SAV1: variants seen among roughly 807,000 people sequenced by gnomAD.
SAV1 encodes the protein protein salvador homolog 1.
A neutral mutation model predicts 47.3 loss-of-function variants in SAV1; 23 were observed. The ratio of observed to expected loss-of-function variants is 0.49; its 90% confidence interval spans 0.35 to 0.69. The LOEUF (loss-of-function observed/expected upper bound fraction) is 0.69. Among genes scored for constraint, SAV1 ranks in the 30% least tolerant of loss-of-function variants. SAV1 has a pLI of 0.01. For missense variants in SAV1, 448 were observed against 457.4 expected (o/e 0.98, Z 0.19); for synonymous variants, 155 against 159.2 (o/e 0.97, Z 0.20).
chr14:50,655,705 C>A (rs532662418), intron 2 of SAV1, among the ~76,000 whole-genome samples: 1 of 151,902 alleles, frequency 6.6e-6, no homozygotes, highest in Non-Finnish European at 1.5e-5. Flanking sequence ...GGATTCCAGG[C>A]GTGAGCCACT....
rs2356460 is a variant in SAV1 at position 50,654,619 on chromosome 14, C to T, written c.536-9605G>A. Among the ~76,000 whole-genome samples, 1,337 of 152,286 alleles carry T rather than the reference C, an allele frequency of 8.8e-3. 29 individuals are homozygous for T. The highest frequency in any genetic ancestry group is 0.03 in the African/African-American group (1,245 of 41,562). On this transcript the variant is annotated intron_variant, in intron 2 of 4. Transcript: ENST00000324679. ...GTGACACAGAGACATGAAATGCGCA[C>T]GTGCTGTTGGACTGCCACAAACCTT... is the stretch of plus-strand genomic sequence containing the variant.
intron 2 of SAV1, among the ~76,000 whole-genome samples, chr14:50,646,788 G>A (rs551542040): frequency 6.6e-6 from 1 of 151,846 alleles, no homozygotes; most frequent in African/African-American, 2.4e-5. Flanking sequence ...AACTAGAGTA[G>A]CCAAAACAAT....
intron 4 of SAV1, chr14:50,637,663 A>ATTTTTTTTTTTTTTTTTTT (rs771403561): frequency 7.8e-6 from 1 of 128,768 alleles, no homozygotes. Flanking sequence ...CAATTTTGTC[A>ATTTTTTTTTTTTTTTTTTT]GTTTTTTTTT....
chr14:50,660,772 C>T (rs2039853387), intron 2 of SAV1, among the ~76,000 whole-genome samples: 1 of 152,198 alleles, frequency 6.6e-6, no homozygotes, highest in African/African-American at 2.4e-5. Flanking sequence ...TTCCCAACCT[C>T]TGCTATCATT....
At chr14:50,650,132 G>C (rs375722580) in intron 2 of SAV1, among the ~76,000 whole-genome samples, 1 of 152,224 alleles carries the variant, frequency 6.6e-6, no homozygotes, top group African/African-American at 2.4e-5. Flanking sequence ...ATATGTAAGT[G>C]TATGGATAAA....
At chr14:50,654,487 T>C (rs1262237851) in intron 2 of SAV1, among the ~76,000 whole-genome samples, 1 of 152,262 alleles carries the variant, frequency 6.6e-6, no homozygotes, top group Non-Finnish European at 1.5e-5. Context: ...CAATTCCTTG[T>C]GATGTCCCAA....
At chr14:50,637,927 A>G (rs1050678794) in intron 4 of SAV1, 26 of 152,196 alleles carry the variant, frequency 1.7e-4, no homozygotes, top group African/African-American at 6.0e-4. Context: ...AGCTCTAACA[A>G]TCCTGACTCT....
At chr14:50,644,656 T>A in intron 3 of SAV1, 88 bp downstream of exon 3, 1 of 1,252,176 alleles carries the variant, frequency 8.0e-7, no homozygotes, top group East Asian at 2.3e-5. Context: ...AGCTTTAGGA[T>A]GCTATTCTCT....
chr14:50,648,808 A>G (rs1267916109), intron 2 of SAV1, among the ~76,000 whole-genome samples: 1 of 152,110 alleles, frequency 6.6e-6, no homozygotes, highest in African/African-American at 2.4e-5. Flanking sequence ...TAGCATATGT[A>G]TAACAAATCA....
chr14:50,665,872 C>T (rs1415057709), intron 1 of SAV1, among the ~76,000 whole-genome samples: 2 of 152,104 alleles, frequency 1.3e-5, no homozygotes, highest in Non-Finnish European at 2.9e-5. Flanking sequence ...AAAATGTATT[C>T]TGCATACTAC....
rs560603559 is a variant in SAV1, at chr14:50,643,195, T to A, written c.806+1549A>T. On this transcript the variant is annotated intron_variant, in intron 3 of 4. Transcript: ENST00000324679. Reference sequence around the variant, plus strand: ...AGAAGTAAATTAACTAATTATGAAATTGCTTTTAAAAAACTATTAAAATTC... The same window carrying A: ...AGAAGTAAATTAACTAATTATGAAAATGCTTTTAAAAAACTATTAAAATTC... Among the ~76,000 whole-genome samples, 407 of 152,304 alleles carry A rather than the reference T, an allele frequency of 2.7e-3. 5 individuals carry two copies. The highest frequency in any genetic ancestry group is 9.3e-3 in the African/African-American group (388 of 41,564).
chr14:50,652,150 G>A (rs2039774790), intron 2 of SAV1, among the ~76,000 whole-genome samples: 1 of 152,146 alleles, frequency 6.6e-6, no homozygotes, highest in Non-Finnish European at 1.5e-5. Flanking sequence ...CAAAAAGAAG[G>A]TAGTTCAATG....
intron 3 of SAV1, among the ~76,000 whole-genome samples, chr14:50,642,668 A>G (rs1314627826): frequency 3.3e-5 from 5 of 152,184 alleles, no homozygotes; most frequent in Admixed American, 1.3e-4. Flanking sequence ...GTGTATATAT[A>G]ACAATGGGGA....
chr14:50,663,699 ACCACTGGTAC>A (rs889015847), intron 2 of SAV1, among the ~76,000 whole-genome samples: 13 of 152,124 alleles, frequency 8.5e-5, no homozygotes, highest in African/African-American at 2.4e-4. Context: ...TTTTCCTATT[ACCACTGGTAC>A]CCACTGGTAC....
At chr14:50,657,562 A>G (rs558906096) in intron 2 of SAV1, among the ~76,000 whole-genome samples, 8 of 152,262 alleles carry the variant, frequency 5.3e-5, no homozygotes, top group Non-Finnish European at 1.2e-4. Flanking sequence ...TATTCTTTAA[A>G]GAAAAATATG....
At chr14:50,664,179 A>G (rs1267262892) in intron 2 of SAV1, 1 of 152,220 alleles carries the variant, frequency 6.6e-6, no homozygotes, top group Non-Finnish European at 1.5e-5. Flanking sequence ...TTGTTTCCAC[A>G]AATAAGGTAC....
At chr14:50,653,550 ATTTG>A (rs1213576000) in intron 2 of SAV1, among the ~76,000 whole-genome samples, 2 of 152,158 alleles carry the variant, frequency 1.3e-5, no homozygotes, top group South Asian at 2.1e-4. Flanking sequence ...AGTTACGTGA[ATTTG>A]TTTGTTTCCC....
intron 4 of SAV1, among the ~76,000 whole-genome samples, 179 bp downstream of exon 4, chr14:50,640,571 C>G (rs536923102): frequency 1.3e-5 from 2 of 152,310 alleles, no homozygotes; most frequent in South Asian, 4.1e-4. Context: ...ACTAATATTT[C>G]TAATTAATGA....
chr14:50,650,425 A>G (rs897496639), intron 2 of SAV1, among the ~76,000 whole-genome samples: 3 of 152,212 alleles, frequency 2.0e-5, no homozygotes, highest in Admixed American at 2.0e-4. Flanking sequence ...GTACACCACC[A>G]TATATACATA....
Sources: gnomAD v4.1 joint callset for allele counts (sites outside exome capture counted in the v4.1 genomes callset) on GRCh38, gnomAD v4.1.1 for gene constraint, MANE v1.5 for transcripts, NCBI Gene and HGNC (gene_info 2026-07-23, HGNC 2026-07-21) for gene names.